KLHL25: variants seen among roughly 807,000 people sequenced by gnomAD.
The protein encoded by KLHL25 is kelch like family member 25.
Under a neutral mutation model 30.0 loss-of-function variants are expected in KLHL25, and 41 were observed. That is an observed-to-expected ratio of 1.37 (90% CI 1.07 to 1.78). KLHL25 has a LOEUF of 1.78. KLHL25 is among the 40% of genes most tolerant of loss of function. The pLI is 0.00. For missense variants in KLHL25, 971 were observed against 824.5 expected, an observed-to-expected ratio of 1.18 and a Z score of -2.18; for synonymous variants, 399 against 355.3, an observed-to-expected ratio of 1.12 and a Z score of -1.38.
chr15:85,786,235 T>A (rs2089780463), intron 1 of KLHL25, among the ~76,000 whole-genome samples: 1 of 152,176 alleles, frequency 6.6e-6, no homozygotes, highest in South Asian at 2.1e-4. Context: ...CCTGAGATTG[T>A]TCCAAGTAGG....
At chr15:85,782,912 G>C (rs1316510213) in intron 1 of KLHL25, among the ~76,000 whole-genome samples, 1 of 152,080 alleles carries the variant, frequency 6.6e-6, no homozygotes, top group Non-Finnish European at 1.5e-5. Context: ...TGTCATCTTT[G>C]CTACCTAGAA....
intron 1 of KLHL25, among the ~76,000 whole-genome samples, chr15:85,794,053 G>C (rs1487583285): frequency 6.6e-6 from 1 of 152,216 alleles, no homozygotes; most frequent in Non-Finnish European, 1.5e-5. Flanking sequence ...GAGACAGGGG[G>C]AGTGGGGGCG....
rs577868002 is a variant in KLHL25, at chr15:85,787,020, T to C, written c.-11+7746A>G. On this transcript the variant is annotated intron_variant, in intron 1 of 2. Coordinates refer to ENST00000337975, the MANE Select transcript of KLHL25 (RefSeq NM_022480.4). The stretch of plus-strand genomic sequence containing the variant: ...AGAACCAGCACTCAATAAACTTTGA[T>C]CTTCTGGAAAGACAAAAGTGGACTA... Among the ~76,000 whole-genome samples, 13 of 152,236 alleles carry C rather than the reference T, an allele frequency of 8.5e-5. No individual in the cohort carries two copies. The South Asian group carries it at 2.7e-3, about 32-fold the overall frequency.
In KLHL25 at chr15:85,769,812, G is replaced by A. The variant is rs200389966; in HGVS notation, c.-2C>T. 2.2e-5 allele frequency: 36 copies of A among 1,603,416 alleles called. No homozygotes were observed. The highest frequency in any genetic ancestry group is 2.9e-5 in the Non-Finnish European group (34 of 1,175,852). On this transcript the variant is annotated 5_prime_UTR_variant, in exon 2 of 3. Transcript: ENST00000337975. The stretch of plus-strand genomic sequence containing the variant: ...GGTCTCATGGACACTGACCGACATG[G>A]TGCGTCAGCTTGTGGGGGAACAAGC...
chr15:85,773,902 A>T (rs999034576), intron 1 of KLHL25, among the ~76,000 whole-genome samples: 7 of 151,796 alleles, frequency 4.6e-5, no homozygotes, highest in African/African-American at 1.7e-4. Context: ...AGTGCCCTGA[A>T]TTGGTGACCA....
intron 1 of KLHL25, chr15:85,770,636 GC>G: frequency 2.0e-6 from 1 of 499,102 alleles, no homozygotes; most frequent in Non-Finnish European, 4.2e-6. Context: ...CAACGCAGAG[GC>G]CCAAGATGAC....
chr15:85,792,763 G>A (rs376572212), intron 1 of KLHL25, among the ~76,000 whole-genome samples: 2 of 152,124 alleles, frequency 1.3e-5, no homozygotes, highest in Admixed American at 1.3e-4. Flanking sequence ...CCTACACCTC[G>A]AATCTGGGCG....
At chr15:85,776,842 C>A (rs976792492) in intron 1 of KLHL25, among the ~76,000 whole-genome samples, 1 of 151,602 alleles carries the variant, frequency 6.6e-6, no homozygotes, top group East Asian at 2.0e-4. Flanking sequence ...GGAGAATGGC[C>A]TGAACTCAGG....
chr15:85,765,621 CAA>C (rs200486890), intron 2 of KLHL25, among the ~76,000 whole-genome samples: 3 of 75,538 alleles, frequency 4.0e-5, no homozygotes, highest in Admixed American at 1.4e-4. Context: ...GAGACTGTCT[CAA>C]AAAAAAAAAA....
intron 1 of KLHL25, among the ~76,000 whole-genome samples, chr15:85,774,300 T>C (rs2089696081): frequency 6.6e-6 from 1 of 152,200 alleles, no homozygotes; most frequent in Non-Finnish European, 1.5e-5. Context: ...AATGTTGCAA[T>C]GCCACAGATC....
At position 85,774,156 on chromosome 15, in the gene KLHL25, C is replaced by A. The variant is rs192222967; in HGVS notation, c.-10-4336G>T. On this transcript the variant is annotated intron_variant, in intron 1 of 2. Coordinates refer to ENST00000337975, the MANE Select transcript of KLHL25 (RefSeq NM_022480.4). ...CAAAAGCAGGCCCCGGGAAGCCTCCCTGTGCCCATGGCTCACGTCTTTGGA... is the reference window on the plus strand; with the variant it reads ...CAAAAGCAGGCCCCGGGAAGCCTCCATGTGCCCATGGCTCACGTCTTTGGA... 1.4e-4 allele frequency among the ~76,000 whole-genome samples: 21 copies of A among 152,304 alleles called. No homozygotes were observed. In the East Asian group the frequency reaches 3.5e-3, roughly 25 times the overall value.
At chr15:85,783,799 C>G (rs567614363) in intron 1 of KLHL25, among the ~76,000 whole-genome samples, 3 of 152,082 alleles carry the variant, frequency 2.0e-5, no homozygotes, top group African/African-American at 7.2e-5. Flanking sequence ...ATTGCAGATA[C>G]CGACCTTGGG....
chr15:85,783,492 G>C (rs1302484160), intron 1 of KLHL25, among the ~76,000 whole-genome samples: 2 of 151,914 alleles, frequency 1.3e-5, no homozygotes, highest in Admixed American at 6.5e-5. Flanking sequence ...AGGAATTCAA[G>C]ACTAGCCTGG....
Position 85,768,775 on chromosome 15 carries a change from C to A in KLHL25, c.1036G>T (p.Gly346Trp), listed in dbSNP as rs754716076. The change falls in exon 2 of 3, where the codon GGG (glycine) becomes TGG (tryptophan). Residue 346 changes from glycine (G) to tryptophan (W), a missense_variant. Coordinates refer to ENST00000337975, the MANE Select transcript of KLHL25 (RefSeq NM_022480.4). ...ACCCCGTTCTCGGAGCCCCTGCCCCCCGTCACATAGACCTTGCAGCCGATC... is the reference window on the plus strand; with the variant it reads ...ACCCCGTTCTCGGAGCCCCTGCCCCACGTCACATAGACCTTGCAGCCGATC... The part of the protein sequence containing the change: ...SAIGCKVYVT[G>W]GRGSENGVSK... The A allele has an allele frequency of 1.2e-6, 2 of 1,613,114 alleles. No individual in the cohort carries two copies. Among genetic ancestry groups the A allele is most frequent in the Non-Finnish European group, 8.5e-7 (1 of 1,179,968 alleles).
Position 85,768,301 on chromosome 15 carries a change from T to G in KLHL25, c.1510A>C (p.Thr504Pro). 2 of 1,614,026 alleles carry G rather than the reference T, an allele frequency of 1.2e-6. No individual in the cohort carries two copies. Among genetic ancestry groups the G allele is most frequent in the East Asian group, 2.2e-5 (1 of 44,864 alleles). The change falls in exon 2 of 3, where the codon ACA becomes CCA. Residue 504 changes from threonine (T) to proline (P), a missense_variant. Thr to Pro is a conservative substitution (Grantham distance 38). Transcript: ENST00000337975. ...IFIMGGDTEF[T>P]AASAYRFDCE... ...TCAAAGCGGTAGGCCGAGGCGGCTGTGAATTCCGTGTCACCTCCCATGATG... is the reference window on the plus strand; with the variant it reads ...TCAAAGCGGTAGGCCGAGGCGGCTGGGAATTCCGTGTCACCTCCCATGATG...
At chr15:85,777,014 G>A (rs1258106807) in intron 1 of KLHL25, among the ~76,000 whole-genome samples, 1 of 152,216 alleles carries the variant, frequency 6.6e-6, no homozygotes, top group Admixed American at 6.5e-5. Flanking sequence ...TCTGGTCTCA[G>A]GTGGACAGTT....
At chr15:85,794,619 G>A (rs2151815221) in intron 1 of KLHL25, 147 bp downstream of exon 1, 1 of 152,144 alleles carries the variant, frequency 6.6e-6, no homozygotes, top group Non-Finnish European at 1.5e-5. Flanking sequence ...CCCCAGCCGC[G>A]GGGCCCCCTC....
At chr15:85,783,684 T>G (rs1283789001) in intron 1 of KLHL25, among the ~76,000 whole-genome samples, 2 of 101,838 alleles carry the variant, frequency 2.0e-5, no homozygotes, top group Non-Finnish European at 3.8e-5. Context: ...AGAGCAAGAC[T>G]CCACCTCAAT....
chr15:85,786,547 A>G (rs947348100), intron 1 of KLHL25, among the ~76,000 whole-genome samples: 1 of 152,010 alleles, frequency 6.6e-6, no homozygotes, highest in Admixed American at 6.6e-5. Context: ...CAGCTACGGA[A>G]CTCTCTCTGT....
Sources: allele counts gnomAD v4.1 joint callset (sites outside exome capture counted in the v4.1 genomes callset), GRCh38; gene constraint gnomAD v4.1.1; transcripts MANE v1.5; gene names NCBI Gene and HGNC (gene_info 2026-07-23, HGNC 2026-07-21).